PLPPR1: variants seen among roughly 807,000 people sequenced by gnomAD.
The protein encoded by PLPPR1 is phospholipid phosphatase-related protein type 1.
Under a neutral mutation model 33.1 loss-of-function variants are expected in PLPPR1, and 10 were observed. The observed-to-expected ratio is 0.30, with a 90% CI of 0.19 to 0.51. The LOEUF (loss-of-function observed/expected upper bound fraction) is 0.51, where lower values mean the gene tolerates loss of function less well. Among genes scored for constraint, PLPPR1 ranks in the 20% least tolerant of loss-of-function variants. The probability of loss-of-function intolerance (pLI) is 0.97; values close to 1 mark genes in which losing one functional copy is unlikely to be tolerated. For missense variants in PLPPR1, 304 were observed against 408.1 expected, an observed-to-expected ratio of 0.74 and a Z score of 2.20; for synonymous variants, 151 against 151.0, an observed-to-expected ratio of 1.00 and a Z score of 0.00.
intron 4 of PLPPR1, among the ~76,000 whole-genome samples, chr9:101,303,509 C>G (rs968999998): frequency 6.6e-6 from 1 of 152,150 alleles, no homozygotes; most frequent in Non-Finnish European, 1.5e-5. Context: ...CCCTATTGGT[C>G]AGGCTGGTCT....
At chr9:101,308,837 C>G (rs1422655590) in intron 4 of PLPPR1, among the ~76,000 whole-genome samples, 1 of 152,176 alleles carries the variant, frequency 6.6e-6, no homozygotes, top group Non-Finnish European at 1.5e-5. Flanking sequence ...AGATTATTCT[C>G]TTTTCCCCAA....
chr9:101,152,301 C>T (rs1035022980), intron 1 of PLPPR1, among the ~76,000 whole-genome samples: 21 of 152,116 alleles, frequency 1.4e-4, no homozygotes, highest in African/African-American at 3.9e-4. Context: ...GATATTAGCC[C>T]TTTGTCAGAT....
intron 1 of PLPPR1, among the ~76,000 whole-genome samples, chr9:101,093,104 A>G (rs1324495362): frequency 3.3e-5 from 5 of 152,178 alleles, no homozygotes; most frequent in Non-Finnish European, 5.9e-5. Context: ...ACATACTCTC[A>G]CTACTTTCTA....
chr9:101,060,142 T>A (rs1053943920), intron 1 of PLPPR1, among the ~76,000 whole-genome samples: 2 of 151,982 alleles, frequency 1.3e-5, no homozygotes, highest in African/African-American at 4.8e-5. Context: ...TCAGCCTTAA[T>A]AAAAGAAGGA....
chr9:101,265,913 G>T (rs1228989783), intron 2 of PLPPR1, among the ~76,000 whole-genome samples: 1 of 151,800 alleles, frequency 6.6e-6, no homozygotes, highest in Non-Finnish European at 1.5e-5. Context: ...GGAGAATTGT[G>T]TGAACCTGGG....
chr9:101,181,030 A>G lies in PLPPR1; in HGVS notation c.-45-4420A>G, dbSNP rs1030975837. ...ATATATGAAGAACTCAAACAACTCA[A>G]TAGCAATAAAACAACCCAATCTAAA... is the stretch of plus-strand genomic sequence containing the variant. On this transcript the variant is annotated intron_variant, in intron 1 of 7. Transcript: ENST00000374874. 1.5e-4 allele frequency among the ~76,000 whole-genome samples: 22 copies of G among 151,222 alleles called. No individual in the cohort carries two copies. The East Asian group carries it at 3.9e-3, about 27-fold the overall frequency.
chr9:101,317,329 G>A, intron 6 of PLPPR1, 36 bp from the exon 7 acceptor site: 1 of 1,603,274 alleles, frequency 6.2e-7, no homozygotes, highest in Non-Finnish European at 8.5e-7. Context: ...GATGGCTGCA[G>A]TCTGACCCCA....
intron 1 of PLPPR1, among the ~76,000 whole-genome samples, chr9:101,117,085 G>C (rs1029073654): frequency 1.3e-5 from 2 of 152,088 alleles, no homozygotes; most frequent in Admixed American, 1.3e-4. Flanking sequence ...AGGATTAAGG[G>C]TTCTCTTATA....
At chr9:101,141,243 T>G (rs1221949460) in intron 1 of PLPPR1, among the ~76,000 whole-genome samples, 1 of 152,184 alleles carries the variant, frequency 6.6e-6, no homozygotes, top group Non-Finnish European at 1.5e-5. Context: ...ACTGTGAAAG[T>G]ATTGGCTATG....
At chr9:101,111,989 C>T (rs1326925318) in intron 1 of PLPPR1, among the ~76,000 whole-genome samples, 1 of 152,180 alleles carries the variant, frequency 6.6e-6, no homozygotes, top group African/African-American at 2.4e-5. Context: ...TTCCCAACCA[C>T]ATAATGTGCT....
chr9:101,236,859 A>G (rs1377766127), intron 2 of PLPPR1, among the ~76,000 whole-genome samples: 1 of 151,804 alleles, frequency 6.6e-6, no homozygotes, highest in African/African-American at 2.4e-5. Context: ...TTAAACTACA[A>G]GCCTTCTGCA....
At chr9:101,217,190 T>C (rs990540409) in intron 2 of PLPPR1, among the ~76,000 whole-genome samples, 6 of 151,996 alleles carry the variant, frequency 3.9e-5, no homozygotes, top group Non-Finnish European at 8.8e-5. Context: ...GAGGTAGTAA[T>C]TATTGAAAGA....
chr9:101,093,672 C>A (rs1211414976), intron 1 of PLPPR1, among the ~76,000 whole-genome samples: 1 of 152,206 alleles, frequency 6.6e-6, no homozygotes, highest in African/African-American at 2.4e-5. Flanking sequence ...AAGTGCATCA[C>A]TACTACATAG....
chr9:101,115,541 A>G (rs1353746404), intron 1 of PLPPR1, among the ~76,000 whole-genome samples: 1 of 152,254 alleles, frequency 6.6e-6, no homozygotes, highest in Non-Finnish European at 1.5e-5. Flanking sequence ...AATATAAGAG[A>G]GGACAAAGAA....
intron 1 of PLPPR1, among the ~76,000 whole-genome samples, chr9:101,039,813 C>T (rs1334772986): frequency 6.6e-6 from 1 of 151,798 alleles, no homozygotes; most frequent in Non-Finnish European, 1.5e-5. Context: ...AAATCCACCC[C>T]ATAATTTAGT....
chr9:101,303,863 A>G (rs1050786284), intron 4 of PLPPR1, among the ~76,000 whole-genome samples: 3 of 152,258 alleles, frequency 2.0e-5, no homozygotes, highest in Admixed American at 6.5e-5. Flanking sequence ...ACTGACAACC[A>G]TTGTAATTTC....
At chr9:101,079,004 A>G (rs1477064004) in intron 1 of PLPPR1, among the ~76,000 whole-genome samples, 1 of 152,184 alleles carries the variant, frequency 6.6e-6, no homozygotes, top group Non-Finnish European at 1.5e-5. Flanking sequence ...GTTTTGAAAA[A>G]TATTTTTAAA....
intron 1 of PLPPR1, among the ~76,000 whole-genome samples, chr9:101,180,626 G>C (rs1359775081): frequency 6.6e-6 from 1 of 151,638 alleles, no homozygotes; most frequent in African/African-American, 2.4e-5. Context: ...TGCCAAGAAA[G>C]CACTAGTGGA....
At position 101,288,351 on chromosome 9, in the gene PLPPR1, G is replaced by A. The variant is rs188520211; in HGVS notation, c.385+2115G>A. Among the ~76,000 whole-genome samples, 566 of 152,244 alleles carry A rather than the reference G, an allele frequency of 3.7e-3. 7 individuals carry two copies. The highest frequency in any genetic ancestry group is 7.1e-3 in the Non-Finnish European group (486 of 68,026). On this transcript the variant is annotated intron_variant, in intron 4 of 7. Coordinates refer to ENST00000374874, the MANE Select transcript of PLPPR1 (RefSeq NM_207299.2). ...TTTATAATCAATGACACATTAGTCC[G>A]TTTGGGTCTGTCATAAGCTAATAGA...
Sources: allele counts gnomAD v4.1 joint callset (sites outside exome capture counted in the v4.1 genomes callset), GRCh38; gene constraint gnomAD v4.1.1; transcripts MANE v1.5; gene names NCBI Gene and HGNC (gene_info 2026-07-23, HGNC 2026-07-21).